Variants in TFDP1 observed in about 807,000 individuals in gnomAD.
TFDP1 encodes transcription factor Dp-1.
In TFDP1, 6 loss-of-function variants were observed where a neutral mutation model predicts 48.0. That is an observed-to-expected ratio of 0.13 (90% CI 0.07 to 0.25). The LOEUF (loss-of-function observed/expected upper bound fraction) is 0.25, where lower values mean the gene tolerates loss of function less well. Among genes scored for constraint, TFDP1 ranks in the 10% least tolerant of loss-of-function variants. The pLI is 1.00. For missense variants in TFDP1, 335 were observed against 543.0 expected, an observed-to-expected ratio of 0.62 and a Z score of 3.81; for synonymous variants, 201 against 211.6, an observed-to-expected ratio of 0.95 and a Z score of 0.44.
Position 113,616,730 on chromosome 13 carries a change from C to T in TFDP1, c.79+5668C>T, listed in dbSNP as rs4150744. On this transcript the variant is annotated intron_variant, in intron 3 of 11. Coordinates refer to ENST00000375370, the MANE Select transcript of TFDP1 (RefSeq NM_007111.5). Reference sequence around the variant, plus strand: ...TACGTAATTCCTCACTCGTGACCGTCGCCTGTGAACTAACTGTGCCCCTTG... The same window carrying T: ...TACGTAATTCCTCACTCGTGACCGTTGCCTGTGAACTAACTGTGCCCCTTG... Among the ~76,000 whole-genome samples the T allele has an allele frequency of 4.8e-4, 73 of 152,242 alleles. 1 individual carries two copies. The East Asian group carries it at 7.4e-3, about 15-fold the overall frequency.
intron 2 of TFDP1, among the ~76,000 whole-genome samples, chr13:113,593,647 C>G (rs2048206513): frequency 7.5e-6 from 1 of 132,620 alleles, no homozygotes; most frequent in Admixed American, 7.7e-5. Context: ...TCCTCACCCA[C>G]CCAGGTGACA....
Position 113,636,050 on chromosome 13 carries a change from A to G in TFDP1, c.761A>G (p.Asn254Ser), listed in dbSNP as rs772028813. The G allele has an allele frequency of 1.2e-6, 2 of 1,614,066 alleles. No individual in the cohort carries two copies. The highest frequency in any genetic ancestry group is 3.3e-5 in the Admixed American group (2 of 60,000). The change falls in exon 9 of 12, where the codon AAC becomes AGC. Residue 254 changes from asparagine (N) to serine (S), a missense_variant. Physicochemically the swap from Asn to Ser is conservative, Grantham distance 46. This residue lies in a region of TFDP1 where 204 missense variants were observed against 287.1 expected (regional missense o/e 0.71). Transcript: ENST00000375370. ...EQQASRPPPP[N>S]SVIHLPFIIV... Reference sequence around the variant, plus strand: ...CAGGCCAGCCGGCCACCGCCACCCAACTCAGTCATCCACCTGCCCTTCATC... The same window carrying G: ...CAGGCCAGCCGGCCACCGCCACCCAGCTCAGTCATCCACCTGCCCTTCATC...
intron 2 of TFDP1, among the ~76,000 whole-genome samples, chr13:113,602,806 G>A (rs1000720641): frequency 2.0e-5 from 3 of 152,122 alleles, no homozygotes; most frequent in African/African-American, 7.2e-5. Context: ...AACCTGTGAT[G>A]TCGGGACTGC....
intron 2 of TFDP1, among the ~76,000 whole-genome samples, chr13:113,596,580 A>G (rs1016948246): frequency 5.9e-5 from 9 of 152,204 alleles, no homozygotes; most frequent in African/African-American, 9.6e-5. Context: ...GTGCAGCCAC[A>G]GAACTGGAAG....
chr13:113,611,105 C>G, intron 3 of TFDP1, 43 bp downstream of exon 3: 2 of 1,521,370 alleles, frequency 1.3e-6, no homozygotes, highest in Non-Finnish European at 1.8e-6. Flanking sequence ...TTGATGAATG[C>G]ATGAAGCTTC....
chr13:113,585,597 C>A (rs1422578869), intron 1 of TFDP1, 177 bp from the exon 2 acceptor site: 5 of 425,210 alleles, frequency 1.2e-5, no homozygotes, highest in African/African-American at 1.0e-4. Context: ...TTCCGTCTGG[C>A]GAGGCGACTG....
intron 8 of TFDP1, among the ~76,000 whole-genome samples, chr13:113,635,720 G>A (rs138900990): frequency 2.6e-5 from 4 of 152,176 alleles, no homozygotes; most frequent in Admixed American, 6.5e-5. Context: ...CGCCGTTGCC[G>A]TGGAGGACAC....
At chr13:113,617,057 T>C (rs1566659035) in intron 3 of TFDP1, among the ~76,000 whole-genome samples, 1 of 152,076 alleles carries the variant, frequency 6.6e-6, no homozygotes, top group Non-Finnish European at 1.5e-5. Context: ...ATAGAGAGGT[T>C]TGTGGGAGTG....
chr13:113,594,628 T>C (rs2048242853), intron 2 of TFDP1, among the ~76,000 whole-genome samples: 1 of 152,240 alleles, frequency 6.6e-6, no homozygotes, highest in Admixed American at 6.5e-5. Context: ...CGTGTGCTGG[T>C]CCTCAGCTGT....
At chr13:113,602,970 TAA>T (rs113416797) in intron 2 of TFDP1, among the ~76,000 whole-genome samples, 30 of 67,074 alleles carry the variant, frequency 4.5e-4, no homozygotes, top group East Asian at 3.8e-4. Context: ...ATAGTTGAGC[TAA>T]AAAAAAAAAA....
At chr13:113,593,706 G>A (rs1247363872) in intron 2 of TFDP1, among the ~76,000 whole-genome samples, 22 of 138,110 alleles carry the variant, frequency 1.6e-4, no homozygotes, top group Non-Finnish European at 2.8e-4. Context: ...CAGGTGTGGT[G>A]TACGTGGGTC....
chr13:113,607,951 G>T lies in TFDP1; in HGVS notation c.13-3045G>T, dbSNP rs543079485. 6.6e-6 allele frequency among the ~76,000 whole-genome samples: 1 copy of T among 152,188 alleles called. No homozygotes were observed. Among genetic ancestry groups the T allele is most frequent in the African/African-American group, 2.4e-5 (1 of 41,442 alleles). ...CTGGGCAGGGGCAGTTGGTGTTCTC[G>T]CAGGGCCTGTGTTGGTGCATATGAG... On this transcript the variant is annotated intron_variant, in intron 2 of 11. Coordinates refer to ENST00000375370, the MANE Select transcript of TFDP1 (RefSeq NM_007111.5). The surrounding 1 kb of genome is among the most constrained non-coding windows in gnomAD (Gnocchi z 5.2).
In TFDP1 at chr13:113,622,821, G is replaced by T. The variant is rs980760524; in HGVS notation, c.80-359G>T. Among the ~76,000 whole-genome samples the T allele has an allele frequency of 2.0e-5, 3 of 152,208 alleles. No individual in the cohort carries two copies. The South Asian group carries it at 6.2e-4, about 32-fold the overall frequency. On this transcript the variant is annotated intron_variant, in intron 3 of 11. Coordinates refer to ENST00000375370, the MANE Select transcript of TFDP1 (RefSeq NM_007111.5). ...TTGCAGCCTTATAGAGAAATGTTGC[G>T]ATAAAAATTCTAGTTTTAAAATTCT...
At position 113,634,520 on chromosome 13, in the gene TFDP1, G is replaced by GT. The variant is rs1221932432; in HGVS notation, c.619-11dup. On this transcript the variant is annotated splice_polypyrimidine_tract_variant and intron_variant, in intron 7 of 11. Coordinates refer to ENST00000375370, the MANE Select transcript of TFDP1 (RefSeq NM_007111.5). ...GTTGTGATGATTCTTCACATGGGTG[G>GT]TTTGTTTTTGAAGGTGGAAAGACAG... The GT allele has an allele frequency of 6.2e-7, 1 of 1,610,528 alleles. No individual in the cohort carries two copies. The highest frequency in any genetic ancestry group is 8.5e-7 in the Non-Finnish European group (1 of 1,178,592).
At chr13:113,593,322 G>C (rs2048195308) in intron 2 of TFDP1, among the ~76,000 whole-genome samples, 1 of 136,230 alleles carries the variant, frequency 7.3e-6, no homozygotes, top group Non-Finnish European at 1.5e-5. Flanking sequence ...GTGTGCGCAG[G>C]TCCTCAGCCC....
At chr13:113,628,534 C>T (rs2049250331) in intron 4 of TFDP1, among the ~76,000 whole-genome samples, 1 of 152,202 alleles carries the variant, frequency 6.6e-6, no homozygotes, top group East Asian at 1.9e-4. Flanking sequence ...GCCTTTCAGC[C>T]CCTGCCTGCC....
At chr13:113,602,448 C>T (rs1266550496) in intron 2 of TFDP1, among the ~76,000 whole-genome samples, 1 of 151,454 alleles carries the variant, frequency 6.6e-6, no homozygotes, top group Non-Finnish European at 1.5e-5. Flanking sequence ...TGGTAGCAGG[C>T]GGGGCCCATC....
Position 113,610,856 on chromosome 13 carries a change from C to T in TFDP1, c.13-140C>T. On this transcript the variant is annotated intron_variant, in intron 2 of 11. Coordinates refer to ENST00000375370, the MANE Select transcript of TFDP1 (RefSeq NM_007111.5). The stretch of plus-strand genomic sequence containing the variant: ...GGACCTGGCGTTCTCCTGGTTGTTC[C>T]TGGAGTTGCTTGCTTAACTGTGGTC... The T allele has an allele frequency of 4.0e-6, 3 of 745,308 alleles. No homozygotes were observed. The Admixed American group carries it at 6.5e-5, about 16-fold the overall frequency. The allele number at this position is 745,308 out of a possible 1,614,324, so 46.2% of individuals were successfully genotyped here.
At chr13:113,639,157 G>A (rs184995774) in intron 11 of TFDP1, among the ~76,000 whole-genome samples, 11 of 152,328 alleles carry the variant, frequency 7.2e-5, no homozygotes, top group African/African-American at 2.4e-4. Flanking sequence ...GACAGAGGCC[G>A]GTTCTCCTTC....
Sources: allele counts gnomAD v4.1 joint callset (sites outside exome capture counted in the v4.1 genomes callset), GRCh38; gene constraint gnomAD v4.1.1; regional missense constraint gnomAD v4.1.1; non-coding constraint Gnocchi (gnomAD v3.1); transcripts MANE v1.5; gene names NCBI Gene and HGNC (gene_info 2026-07-23, HGNC 2026-07-21).